IRAK2: variants seen among roughly 807,000 people sequenced by gnomAD.
The protein encoded by IRAK2 is interleukin-1 receptor-associated kinase-like 2.
A neutral mutation model predicts 72.0 loss-of-function variants in IRAK2; 57 were observed. The ratio of observed to expected loss-of-function variants is 0.79; its 90% CI spans 0.64 to 0.99. The LOEUF (loss-of-function observed/expected upper bound fraction) is 0.99. Among genes scored for constraint, IRAK2 ranks in the 50% least tolerant of loss-of-function variants. IRAK2 has a pLI of 0.00. For synonymous variants in IRAK2, 293 were observed against 312.7 expected (o/e 0.94, Z 0.67); for missense variants, 790 against 794.4 (o/e 0.99, Z 0.07).
At chr3:10,183,469 A>G (rs1353138521) in intron 2 of IRAK2, among the ~76,000 whole-genome samples, 2 of 152,140 alleles carry the variant, frequency 1.3e-5, no homozygotes, top group African/African-American at 2.4e-5. Flanking sequence ...TGTAATCCCA[A>G]CACTTTGGGA....
intron 6 of IRAK2, among the ~76,000 whole-genome samples, chr3:10,214,019 A>G (rs1485502189): frequency 6.6e-6 from 1 of 150,510 alleles, no homozygotes; most frequent in Non-Finnish European, 1.5e-5. Context: ...ATCTCTGCCT[A>G]CCAGGTTCAG....
chr3:10,184,735 T>G (rs1376320483), intron 2 of IRAK2, among the ~76,000 whole-genome samples: 11 of 140,208 alleles, frequency 7.8e-5, no homozygotes, highest in Middle Eastern at 3.6e-3. Flanking sequence ...TTTTTTTTTT[T>G]TTTTTTTTTT....
chr3:10,193,197 C>T (rs1393202858), intron 2 of IRAK2, among the ~76,000 whole-genome samples: 1 of 152,152 alleles, frequency 6.6e-6, no homozygotes, highest in Non-Finnish European at 1.5e-5. Flanking sequence ...TCTGGTGAAC[C>T]ATGACAGGGG....
intron 2 of IRAK2, among the ~76,000 whole-genome samples, chr3:10,194,251 C>T (rs576343376): frequency 6.6e-5 from 10 of 151,910 alleles, no homozygotes; most frequent in Non-Finnish European, 1.3e-4. Context: ...AAGCCAGAGC[C>T]GACGCTTCCC....
At chr3:10,171,323 G>C (rs1441804124) in intron 1 of IRAK2, among the ~76,000 whole-genome samples, 2 of 152,124 alleles carry the variant, frequency 1.3e-5, no homozygotes, top group Non-Finnish European at 2.9e-5. Context: ...ATCTCTCTCT[G>C]AGCCTTTAGT....
intron 2 of IRAK2, among the ~76,000 whole-genome samples, chr3:10,180,549 C>G (rs1696945268): frequency 6.6e-6 from 1 of 152,098 alleles, no homozygotes; most frequent in Admixed American, 6.6e-5. Context: ...TGCAAGGGCC[C>G]TGAGGAGCCA....
chr3:10,186,982 T>C (rs1299391508), intron 2 of IRAK2, among the ~76,000 whole-genome samples: 2 of 146,418 alleles, frequency 1.4e-5, no homozygotes, highest in African/African-American at 5.1e-5. Context: ...TTTTTTTTTT[T>C]CAGATTTTGG....
At chr3:10,199,411 A>G (rs1250357814) in intron 2 of IRAK2, among the ~76,000 whole-genome samples, 1 of 152,204 alleles carries the variant, frequency 6.6e-6, no homozygotes, top group Non-Finnish European at 1.5e-5. Flanking sequence ...ATCTCTGAAC[A>G]GGGATGAGAA....
intron 8 of IRAK2, among the ~76,000 whole-genome samples, chr3:10,221,167 C>T (rs750770352): frequency 6.7e-6 from 1 of 148,666 alleles, no homozygotes; most frequent in Admixed American, 6.7e-5. Flanking sequence ...CCAAGGCGGG[C>T]AGATCACGAG....
chr3:10,174,515 T>G (rs1038553910), intron 1 of IRAK2, among the ~76,000 whole-genome samples: 3 of 152,050 alleles, frequency 2.0e-5, no homozygotes, highest in Non-Finnish European at 2.9e-5. Context: ...TTTATATATT[T>G]TTTTGTTTTG....
chr3:10,195,457 G>A (rs1697248444), intron 2 of IRAK2, among the ~76,000 whole-genome samples: 1 of 151,984 alleles, frequency 6.6e-6, no homozygotes, highest in Admixed American at 6.6e-5. Context: ...GAGGCTAAGA[G>A]AGGAGGATAG....
chr3:10,191,147 T>C (rs1007371596), intron 2 of IRAK2, among the ~76,000 whole-genome samples: 1 of 151,910 alleles, frequency 6.6e-6, no homozygotes, highest in Admixed American at 6.6e-5. Context: ...AAAAAAAAAT[T>C]AGCTGGGCGT....
intron 2 of IRAK2, among the ~76,000 whole-genome samples, chr3:10,190,177 C>T (rs549084049): frequency 4.7e-5 from 7 of 150,462 alleles, no homozygotes; most frequent in Admixed American, 3.3e-4. Flanking sequence ...ATTGCATCAT[C>T]ACTTGCCCCA....
intron 12 of IRAK2, among the ~76,000 whole-genome samples, chr3:10,240,977 A>G (rs1409899836): frequency 1.3e-5 from 2 of 151,870 alleles, no homozygotes; most frequent in African/African-American, 2.4e-5. Context: ...GGGGAGAGGA[A>G]GAAGAAAGAC....
Position 10,217,061 on chromosome 3 carries a change from G to A in IRAK2, c.903+13G>A. On this transcript the variant is annotated intron_variant, in intron 7 of 12. Coordinates refer to ENST00000256458, the MANE Select transcript of IRAK2 (RefSeq NM_001570.4). ...ACTGCAGGGTCAGGTAAGGGACTGG[G>A]TCATGGTCAGAGAATGGGACCAGGC... 7 of 1,583,790 alleles carry A rather than the reference G, an allele frequency of 4.4e-6. No homozygotes were observed. The highest frequency in any genetic ancestry group is 6.1e-6 in the Non-Finnish European group (7 of 1,152,394).
chr3:10,179,275 G>GGT (rs71626966), intron 2 of IRAK2, among the ~76,000 whole-genome samples: 1 of 136,656 alleles, frequency 7.3e-6, no homozygotes, highest in African/African-American at 2.7e-5. Flanking sequence ...TTTTTCAGTT[G>GGT]TTTTTTTTTT....
chr3:10,165,131 C>T (rs1696659643), intron 1 of IRAK2, 83 bp downstream of exon 1: 6 of 1,199,896 alleles, frequency 5.0e-6, no homozygotes, highest in African/African-American at 1.5e-5. Context: ...CAAGCTCCCT[C>T]GGGCACCCGG....
chr3:10,237,850 T>G, intron 11 of IRAK2, among the ~76,000 whole-genome samples: 1 of 148,444 alleles, frequency 6.7e-6, no homozygotes, highest in African/African-American at 2.5e-5. Context: ...GATACATTAG[T>G]ATACTGAATT....
intron 12 of IRAK2, among the ~76,000 whole-genome samples, chr3:10,240,022 C>T (rs1441130991): frequency 1.3e-5 from 2 of 151,616 alleles, no homozygotes; most frequent in Admixed American, 1.3e-4. Context: ...TGGCGTGTGC[C>T]TGTAGTCCCA....
Sources: gnomAD v4.1 joint callset for allele counts (sites outside exome capture counted in the v4.1 genomes callset) on GRCh38, gnomAD v4.1.1 for gene constraint, MANE v1.5 for transcripts, NCBI Gene and HGNC (gene_info 2026-07-23, HGNC 2026-07-21) for gene names.